The following ITFG1 variants were observed in gnomAD, a reference collection of about 807,000 sequenced individuals.
The protein encoded by ITFG1 is integrin alpha FG-GAP repeat containing 1.
In ITFG1, 34 loss-of-function variants were observed where a neutral mutation model predicts 81.8. The observed-to-expected ratio is 0.42, with a 90% CI of 0.32 to 0.55. The LOEUF is 0.55. Among genes scored for constraint, ITFG1 ranks in the 20% least tolerant of loss-of-function variants. ITFG1 has a pLI of 0.17. For missense variants in ITFG1, 672 were observed against 755.4 expected, an observed-to-expected ratio of 0.89 and a Z score of 1.29; for synonymous variants, 285 against 270.6, an observed-to-expected ratio of 1.05 and a Z score of -0.52.
At chr16:47,197,256 A>G (rs1353492324) in intron 14 of ITFG1, among the ~76,000 whole-genome samples, 3 of 152,206 alleles carry the variant, frequency 2.0e-5, no homozygotes, top group East Asian at 1.9e-4. Flanking sequence ...ACAGTTAGTT[A>G]CCTTCTAGTT....
At chr16:47,421,261 C>T (rs1288487487) in intron 6 of ITFG1, among the ~76,000 whole-genome samples, 2 of 145,462 alleles carry the variant, frequency 1.4e-5, no homozygotes, top group African/African-American at 5.3e-5. Flanking sequence ...CACATATATA[C>T]ATACATATGC....
chr16:47,453,606 T>C (rs1489553617), intron 3 of ITFG1, among the ~76,000 whole-genome samples: 2 of 152,208 alleles, frequency 1.3e-5, no homozygotes, highest in African/African-American at 4.8e-5. Flanking sequence ...AGCATTCATT[T>C]TGCTAGTGAG....
chr16:47,429,799 T>C (rs369489076), intron 5 of ITFG1, among the ~76,000 whole-genome samples: 2 of 152,170 alleles, frequency 1.3e-5, no homozygotes, highest in African/African-American at 2.4e-5. Context: ...TTTACTGCTA[T>C]CCATCCATCG....
At chr16:47,201,409 G>A (rs1016982018) in intron 14 of ITFG1, among the ~76,000 whole-genome samples, 9 of 151,932 alleles carry the variant, frequency 5.9e-5, no homozygotes, top group Admixed American at 2.0e-4. Context: ...AGGTTTCACC[G>A]TGTTAGCCAG....
intron 10 of ITFG1, among the ~76,000 whole-genome samples, chr16:47,292,802 T>C (rs1456013621): frequency 1.3e-5 from 2 of 151,846 alleles, no homozygotes; most frequent in African/African-American, 2.4e-5. Flanking sequence ...GAAAAAGACA[T>C]GACTTCATTC....
intron 6 of ITFG1, among the ~76,000 whole-genome samples, chr16:47,415,614 A>T (rs539378395): frequency 1.1e-4 from 16 of 152,332 alleles, no homozygotes; most frequent in African/African-American, 3.4e-4. Context: ...ATGAAAAAGG[A>T]ATTCCATTTC....
At chr16:47,363,285 T>C (rs1049794167) in intron 8 of ITFG1, among the ~76,000 whole-genome samples, 5 of 152,192 alleles carry the variant, frequency 3.3e-5, no homozygotes, top group Non-Finnish European at 7.3e-5. Flanking sequence ...ATAATAGAAG[T>C]TTAATTTTTT....
intron 12 of ITFG1, among the ~76,000 whole-genome samples, chr16:47,253,497 T>C (rs1157778528): frequency 6.6e-6 from 1 of 152,138 alleles, no homozygotes; most frequent in Non-Finnish European, 1.5e-5. Context: ...GTGTTCTGAG[T>C]ATTCTGTTAT....
intron 14 of ITFG1, among the ~76,000 whole-genome samples, chr16:47,184,225 C>A (rs1965177023): frequency 2.0e-5 from 3 of 152,128 alleles, no homozygotes; most frequent in Admixed American, 1.3e-4. Context: ...TCCAGGAGAA[C>A]TTCCCCAGTC....
At chr16:47,272,464 C>T (rs951084945) in intron 10 of ITFG1, among the ~76,000 whole-genome samples, 5 of 151,514 alleles carry the variant, frequency 3.3e-5, no homozygotes, top group Admixed American at 2.6e-4. Context: ...AGTGTGATCT[C>T]GGTTCACCGC....
intron 10 of ITFG1, among the ~76,000 whole-genome samples, chr16:47,288,983 G>C (rs557155885): frequency 6.6e-6 from 1 of 152,156 alleles, no homozygotes; most frequent in Non-Finnish European, 1.5e-5. Flanking sequence ...AATGTTGGCA[G>C]TAGGTTTGTC....
Position 47,383,208 on chromosome 16 carries a change from A to C in ITFG1, c.656-7268T>G, listed in dbSNP as rs943121341. On this transcript the variant is annotated intron_variant, in intron 6 of 17. Transcript: ENST00000320640. ...AGAAGGTAAAGAAGTCAACAGAGAT[A>C]ATACTTAATGATGGAAATAACTGGA... is the stretch of plus-strand genomic sequence containing the variant. Among the ~76,000 whole-genome samples the C allele has an allele frequency of 3.9e-5, 6 of 152,344 alleles. 1 individual carries two copies. The highest frequency in any genetic ancestry group is 3.9e-4 in the Admixed American group (6 of 15,304).
At chr16:47,186,175 A>T (rs1965212297) in intron 14 of ITFG1, among the ~76,000 whole-genome samples, 1 of 152,238 alleles carries the variant, frequency 6.6e-6, no homozygotes, top group Non-Finnish European at 1.5e-5. Flanking sequence ...GAATTCTACC[A>T]GAGGTACAAG....
intron 13 of ITFG1, among the ~76,000 whole-genome samples, chr16:47,227,532 T>G (rs542436407): frequency 2.6e-3 from 403 of 152,316 alleles, no homozygotes; most frequent in Non-Finnish European, 3.6e-3. Context: ...TCATATAGAT[T>G]CTTTCTAACT....
chr16:47,338,514 C>T (rs984166862), intron 8 of ITFG1, among the ~76,000 whole-genome samples: 3 of 152,050 alleles, frequency 2.0e-5, no homozygotes, highest in Non-Finnish European at 4.4e-5. Flanking sequence ...ATTATAATAT[C>T]TAAATGTTCG....
rs149730170 is a variant in ITFG1, at chr16:47,167,047, C to G, written c.1454-4383G>C. Reference sequence around the variant, plus strand: ...TGTATTTGCAATGTTGTGCAACTATCAATTCTCTCTTGTTTGCAAACTTTT... The same window carrying G: ...TGTATTTGCAATGTTGTGCAACTATGAATTCTCTCTTGTTTGCAAACTTTT... On this transcript the variant is annotated intron_variant, in intron 14 of 17. Transcript: ENST00000320640. Among the ~76,000 whole-genome samples the G allele has an allele frequency of 1.6e-3, 249 of 152,220 alleles. 2 individuals carry two copies. The highest frequency in any genetic ancestry group is 5.5e-3 in the African/African-American group (230 of 41,520).
intron 13 of ITFG1, among the ~76,000 whole-genome samples, chr16:47,235,709 T>C (rs138122137): frequency 3.9e-5 from 6 of 152,338 alleles, no homozygotes; most frequent in Non-Finnish European, 7.4e-5. Flanking sequence ...CTATATGGGA[T>C]GTATATTTTC....
chr16:47,243,153 C>A (rs2151535875), intron 12 of ITFG1, among the ~76,000 whole-genome samples: 1 of 151,934 alleles, frequency 6.6e-6, no homozygotes, highest in East Asian at 1.9e-4. Flanking sequence ...ATGTTGTAAC[C>A]ATACTATATG....
intron 10 of ITFG1, among the ~76,000 whole-genome samples, chr16:47,302,608 CT>C (rs1332684948): frequency 1.3e-5 from 2 of 152,096 alleles, no homozygotes; most frequent in Non-Finnish European, 2.9e-5. Flanking sequence ...TAAAAACTTA[CT>C]TTGTGGGATT....
Sources: allele counts gnomAD v4.1 joint callset (sites outside exome capture counted in the v4.1 genomes callset), GRCh38; gene constraint gnomAD v4.1.1; transcripts MANE v1.5; gene names NCBI Gene and HGNC (gene_info 2026-07-23, HGNC 2026-07-21).